Variants in PDE5A observed in about 807,000 individuals in gnomAD.
PDE5A encodes cGMP-specific 3',5'-cyclic phosphodiesterase.
A neutral mutation model predicts 110.2 loss-of-function variants in PDE5A; 67 were observed. That is an observed-to-expected ratio of 0.61 (90% CI 0.50 to 0.75). PDE5A has a LOEUF of 0.75. Ranked by LOEUF, PDE5A falls within the 30% of genes least tolerant of loss-of-function variation. The probability of loss-of-function intolerance (pLI) is 0.00; values close to 1 mark genes in which losing one functional copy is unlikely to be tolerated. For synonymous variants in PDE5A, 328 were observed against 351.2 expected, an observed-to-expected ratio of 0.93 and a Z score of 0.74; for missense variants, 862 against 1,045.1, an observed-to-expected ratio of 0.82 and a Z score of 2.42.
chr4:119,545,779 G>A (rs79052414), intron 9 of PDE5A, among the ~76,000 whole-genome samples: 4,346 of 152,250 alleles, frequency 0.029, 89 homozygotes, highest in South Asian at 0.067. Context: ...GGGGGTCAAT[G>A]CTTATACCCT....
intron 4 of PDE5A, 110 bp downstream of exon 4, chr4:119,566,963 A>AT (rs1410806761): frequency 1.7e-5 from 13 of 764,642 alleles, no homozygotes; most frequent in Non-Finnish European, 2.5e-5. Flanking sequence ...TTTAACTCTA[A>AT]TTTTTTTGTG....
At chr4:119,538,347 G>A (rs959562889) in intron 11 of PDE5A, among the ~76,000 whole-genome samples, 5 of 151,942 alleles carry the variant, frequency 3.3e-5, no homozygotes, top group African/African-American at 4.8e-5. Context: ...CTATGTCATC[G>A]CAAATACATT....
rs566410483 is a variant in PDE5A at position 119,496,119 on chromosome 4, T to G, written c.*2482A>C. 3 of 152,266 alleles carry G rather than the reference T, an allele frequency of 2.0e-5. No individual in the cohort carries two copies. In the East Asian group the frequency reaches 5.8e-4, roughly 29 times the overall value. 9.4% of individuals were successfully genotyped at this position (152,266 alleles called of 1,614,324 possible). ...AGGCCAGGCAATTATATAGATATCT[T>G]TTAACAAGTTAGTAAAATAGTGGGG... On this transcript the variant is annotated 3_prime_UTR_variant, in exon 21 of 21. Coordinates refer to ENST00000354960, the MANE Select transcript of PDE5A (RefSeq NM_001083.4).
At chr4:119,565,971 A>G (rs1165938790) in intron 4 of PDE5A, among the ~76,000 whole-genome samples, 1 of 145,702 alleles carries the variant, frequency 6.9e-6, no homozygotes, top group Non-Finnish European at 1.5e-5. Context: ...ATATTATTAT[A>G]ATTAATAATA....
chr4:119,505,609 C>A (rs930494838), intron 17 of PDE5A, among the ~76,000 whole-genome samples: 7 of 151,908 alleles, frequency 4.6e-5, no homozygotes, highest in African/African-American at 1.4e-4. Context: ...TATATTGATA[C>A]TCTACCACAT....
chr4:119,575,126 C>T (rs536800071), intron 3 of PDE5A, among the ~76,000 whole-genome samples: 2 of 152,038 alleles, frequency 1.3e-5, no homozygotes, highest in East Asian at 1.9e-4. Flanking sequence ...TGAGAAGAGA[C>T]GTTTAGAGAA....
At position 119,496,828 on chromosome 4, in the gene PDE5A, AT is replaced by A. The variant is rs1725094008; in HGVS notation, c.*1772del. ...AAATTTTATCTGTATGGCAAAAAAA[AT>A]AAAATATCCTGAAAATACAAGTATA... On this transcript the variant is annotated 3_prime_UTR_variant, in exon 21 of 21. Transcript: ENST00000354960. 6.6e-6 allele frequency: 1 copy of A among 152,574 alleles called. No individual in the cohort carries two copies. Among genetic ancestry groups the A allele is most frequent in the Non-Finnish European group, 1.5e-5 (1 of 68,008 alleles). The allele number at this position is 152,574 out of a possible 1,614,324, so 9.5% of individuals were successfully genotyped here.
At chr4:119,606,678 A>C in intron 2 of PDE5A, 31 bp downstream of exon 2, 1 of 1,538,034 alleles carries the variant, frequency 6.5e-7, no homozygotes, top group Non-Finnish European at 9.0e-7. Flanking sequence ...CCTCCCCAGC[A>C]CTGGTCCTGC....
At chr4:119,557,465 C>G (rs1267542861) in intron 7 of PDE5A, among the ~76,000 whole-genome samples, 1 of 152,058 alleles carries the variant, frequency 6.6e-6, no homozygotes, top group East Asian at 1.9e-4. Context: ...TATCAATGAA[C>G]TGTATATGAG....
intron 1 of PDE5A, among the ~76,000 whole-genome samples, chr4:119,615,277 T>C (rs1034697533): frequency 7.9e-5 from 12 of 152,280 alleles, no homozygotes; most frequent in African/African-American, 2.9e-4. Flanking sequence ...CTGCACAGGG[T>C]TGATGTGTGA....
intron 3 of PDE5A, among the ~76,000 whole-genome samples, chr4:119,591,702 G>T (rs954020208): frequency 7.9e-5 from 12 of 152,216 alleles, no homozygotes; most frequent in Middle Eastern, 3.4e-3. Flanking sequence ...TAACAGCCAC[G>T]CTTGATAGTG....
chr4:119,628,207 G>C, intron 1 of PDE5A: 1 of 222,766 alleles, frequency 4.5e-6, no homozygotes, highest in Admixed American at 6.1e-5. Flanking sequence ...CAGAGGGCTA[G>C]AGAGGGGCTA....
chr4:119,534,340 G>A (rs1441140221), intron 11 of PDE5A, among the ~76,000 whole-genome samples: 3 of 150,016 alleles, frequency 2.0e-5, no homozygotes, highest in Non-Finnish European at 4.4e-5. Flanking sequence ...CCTGAGCTCT[G>A]CCTCCTGTCA....
At chr4:119,611,446 G>C (rs1459441572) in intron 1 of PDE5A, among the ~76,000 whole-genome samples, 4 of 151,390 alleles carry the variant, frequency 2.6e-5, no homozygotes, top group Admixed American at 2.0e-4. Context: ...TCTAAATGCT[G>C]GTGTGTTTAT....
At chr4:119,571,973 C>G (rs1190313954) in intron 3 of PDE5A, among the ~76,000 whole-genome samples, 1 of 152,152 alleles carries the variant, frequency 6.6e-6, no homozygotes, top group Non-Finnish European at 1.5e-5. Flanking sequence ...ATTAAAGACT[C>G]TACCTAACAT....
chr4:119,543,349 C>G (rs1727015013), intron 9 of PDE5A: 2 of 152,064 alleles, frequency 1.3e-5, no homozygotes, highest in South Asian at 2.1e-4. Flanking sequence ...AGTGACCTCA[C>G]AGAGGTCACT....
chr4:119,604,422 T>C (rs1317137371), intron 2 of PDE5A, among the ~76,000 whole-genome samples: 2 of 152,144 alleles, frequency 1.3e-5, no homozygotes, highest in Non-Finnish European at 2.9e-5. Context: ...CTTGGGACCA[T>C]AGTGCCATTG....
At chr4:119,580,358 C>G (rs1475007572) in intron 3 of PDE5A, among the ~76,000 whole-genome samples, 2 of 152,188 alleles carry the variant, frequency 1.3e-5, no homozygotes, top group African/African-American at 4.8e-5. Flanking sequence ...CAGAACAGCG[C>G]ATAGCCATTG....
chr4:119,539,608 C>G (rs1726854752), intron 10 of PDE5A, among the ~76,000 whole-genome samples: 1 of 151,938 alleles, frequency 6.6e-6, no homozygotes, highest in Non-Finnish European at 1.5e-5. Context: ...GCCTGTAAAG[C>G]CATCCATTGA....
Sources: allele counts gnomAD v4.1 joint callset (sites outside exome capture counted in the v4.1 genomes callset), GRCh38; gene constraint gnomAD v4.1.1; transcripts MANE v1.5; gene names NCBI Gene and HGNC (gene_info 2026-07-23, HGNC 2026-07-21).